RAB8A: variants seen among roughly 807,000 people sequenced by gnomAD.
The protein encoded by RAB8A is RAB8A, member RAS oncogene family.
A neutral mutation model predicts 29.2 loss-of-function variants in RAB8A; 5 were observed. That is an observed-to-expected ratio of 0.17 (90% CI 0.09 to 0.36). RAB8A has a LOEUF of 0.36. RAB8A is among the 10% of genes least tolerant of loss of function. The pLI is 1.00. For synonymous variants in RAB8A, 108 were observed against 99.9 expected, an observed-to-expected ratio of 1.08 and a Z score of -0.49; for missense variants, 171 against 272.2, an observed-to-expected ratio of 0.63 and a Z score of 2.62.
intron 1 of RAB8A, among the ~76,000 whole-genome samples, chr19:16,116,389 TA>T (rs908216422): frequency 4.0e-5 from 6 of 151,430 alleles, no homozygotes; most frequent in East Asian, 1.9e-4. Flanking sequence ...AAAGAGGCTT[TA>T]AAAAAAAATA....
At chr19:16,118,781 C>T (rs939780925) in intron 2 of RAB8A, among the ~76,000 whole-genome samples, 3 of 152,208 alleles carry the variant, frequency 2.0e-5, no homozygotes, top group African/African-American at 4.8e-5. Context: ...AACCCCAAAC[C>T]GAAATTAAGC....
chr19:16,118,394 G>C, intron 2 of RAB8A, 108 bp downstream of exon 2: 1 of 1,022,640 alleles, frequency 9.8e-7, no homozygotes, highest in Non-Finnish European at 1.5e-6. Flanking sequence ...TCCATTTCTT[G>C]GTGCCCAGTC....
chr19:16,112,614 G>C (rs986664517), intron 1 of RAB8A: 6 of 157,262 alleles, frequency 3.8e-5, no homozygotes, highest in African/African-American at 1.4e-4. Flanking sequence ...TTTGAACCTG[G>C]CTGTGTCTCA....
At chr19:16,119,501 G>A (rs568097318) in intron 2 of RAB8A, among the ~76,000 whole-genome samples, 2 of 152,222 alleles carry the variant, frequency 1.3e-5, no homozygotes, top group East Asian at 3.9e-4. Flanking sequence ...CACCACGCCC[G>A]GCCCTACTGT....
intron 1 of RAB8A, among the ~76,000 whole-genome samples, chr19:16,117,933 G>A (rs941378666): frequency 1.3e-5 from 2 of 152,122 alleles, no homozygotes; most frequent in Non-Finnish European, 2.9e-5. Context: ...GACCCACTCC[G>A]TACAACTGCC....
At chr19:16,120,002 G>C (rs1458453066) in intron 2 of RAB8A, among the ~76,000 whole-genome samples, 1 of 151,934 alleles carries the variant, frequency 6.6e-6, no homozygotes, top group South Asian at 2.1e-4. Flanking sequence ...TAGTAGAGAC[G>C]GGGTTTCGCC....
At position 16,125,758 on chromosome 19, in the gene RAB8A, G is replaced by A; in HGVS notation, c.324+211G>A. 1.5e-6 allele frequency: 1 copy of A among 677,728 alleles called. No homozygotes were observed. Among genetic ancestry groups the A allele is most frequent in the Non-Finnish European group, 2.7e-6 (1 of 368,222 alleles). 42.0% of individuals were successfully genotyped at this position (677,728 alleles called of 1,614,324 possible). On this transcript the variant is annotated intron_variant, in intron 4 of 7. Coordinates refer to ENST00000300935, the MANE Select transcript of RAB8A (RefSeq NM_005370.5). The surrounding 1 kb of genome is among the most constrained non-coding windows in gnomAD (Gnocchi z 5.0). Reference sequence around the variant, plus strand: ...CCTGGCCCCACCCCGGAGCCCCTCGGAGCCCATCCCTCCAGCTAGGCTGTT... The same window carrying A: ...CCTGGCCCCACCCCGGAGCCCCTCGAAGCCCATCCCTCCAGCTAGGCTGTT...
intron 7 of RAB8A, among the ~76,000 whole-genome samples, chr19:16,131,497 G>A (rs1045663065): frequency 2.0e-5 from 3 of 151,834 alleles, no homozygotes; most frequent in Non-Finnish European, 4.4e-5. Flanking sequence ...TGGTTGCTTG[G>A]AAGGGGATGG....
At chr19:16,129,263 C>A (rs1167659531) in intron 6 of RAB8A, among the ~76,000 whole-genome samples, 6 of 152,228 alleles carry the variant, frequency 3.9e-5, no homozygotes, top group Admixed American at 3.9e-4. Flanking sequence ...GTCGCCCCAT[C>A]TCACAGGGCT....
chr19:16,128,583 C>G (rs542757603), intron 6 of RAB8A, among the ~76,000 whole-genome samples: 1 of 152,138 alleles, frequency 6.6e-6, no homozygotes, highest in Non-Finnish European at 1.5e-5. Context: ...GTTTCCAAGG[C>G]GGATCTTCCA....
At chr19:16,118,308 C>T (rs1306629513) in intron 2 of RAB8A, 22 bp downstream of exon 2, 4 of 1,602,518 alleles carry the variant, frequency 2.5e-6, no homozygotes, top group Non-Finnish European at 3.4e-6. Flanking sequence ...TGTTCTCTGT[C>T]ATTCTCTCCA....
chr19:16,127,835 C>G lies in RAB8A; in HGVS notation c.415-191C>G. ...TCTCAGCTGCCATCCCCAGCAACTCCATGCCCTGTGAGGCCCTGTGGAGGG... is the reference window on the plus strand; with the variant it reads ...TCTCAGCTGCCATCCCCAGCAACTCGATGCCCTGTGAGGCCCTGTGGAGGG... On this transcript the variant is annotated intron_variant, in intron 5 of 7. Coordinates refer to ENST00000300935, the MANE Select transcript of RAB8A (RefSeq NM_005370.5). The surrounding 1 kb of genome is among the most constrained non-coding windows in gnomAD (Gnocchi z 4.8). 1.5e-6 allele frequency: 1 copy of G among 660,794 alleles called. No homozygotes were observed. Among genetic ancestry groups the G allele is most frequent in the Non-Finnish European group, 2.7e-6 (1 of 369,592 alleles). The allele number at this position is 660,794 out of a possible 1,614,324, so 40.9% of individuals were successfully genotyped here.
rs2090899069 is a variant in RAB8A at position 16,125,924 on chromosome 19, T to C, written c.324+377T>C. On this transcript the variant is annotated intron_variant, in intron 4 of 7. Transcript: ENST00000300935. This position sits in a 1 kb window ranked among gnomAD's most constrained non-coding sequence, Gnocchi z 5.0. ...GGAGGGTGTGGTGAGCAGGCGTCAG[T>C]TGTACTTTGAGCTATATCGGAGCAG... is the stretch of plus-strand genomic sequence containing the variant. 1 of 373,078 alleles carries C rather than the reference T, an allele frequency of 2.7e-6. No homozygotes were observed. Among genetic ancestry groups the C allele is most frequent in the South Asian group, 2.2e-5 (1 of 45,968 alleles). 23.1% of individuals were successfully genotyped at this position (373,078 alleles called of 1,614,324 possible).
chr19:16,124,835 G>A (rs2090891623), intron 3 of RAB8A: 2 of 156,982 alleles, frequency 1.3e-5, no homozygotes, highest in South Asian at 3.7e-4. Flanking sequence ...CCCAGGCTGA[G>A]GCGGGGCTGC....
chr19:16,117,930 T>A (rs1232225053), intron 1 of RAB8A, among the ~76,000 whole-genome samples: 3 of 151,974 alleles, frequency 2.0e-5, no homozygotes, highest in Non-Finnish European at 4.4e-5. Context: ...TGAGACCCAC[T>A]CCGTACAACT....
chr19:16,131,656 ATGGT>A (rs371407098), intron 7 of RAB8A, among the ~76,000 whole-genome samples: 5 of 144,900 alleles, frequency 3.5e-5, no homozygotes, highest in South Asian at 2.3e-4. Context: ...AAGGGGATGG[ATGGT>A]TGGTTGGTTG....
In RAB8A at chr19:16,113,602, G is replaced by C. The variant is rs959695184; in HGVS notation, c.124+1577G>C. Among the ~76,000 whole-genome samples the C allele has an allele frequency of 2.6e-5, 4 of 152,218 alleles. No individual in the cohort carries two copies. The South Asian group carries it at 8.3e-4, about 32-fold the overall frequency. ...TTTTTAGTAAATACAGGGTTTCACT[G>C]TGTTGGTCAGGCTGGTCTCGAACTC... On this transcript the variant is annotated intron_variant, in intron 1 of 7. Coordinates refer to ENST00000300935, the MANE Select transcript of RAB8A (RefSeq NM_005370.5).
At position 16,125,431 on chromosome 19, in the gene RAB8A, G is replaced by A. The variant is rs751714349; in HGVS notation, c.247-39G>A. On this transcript the variant is annotated intron_variant, in intron 3 of 7. Transcript: ENST00000300935. This position sits in a 1 kb window ranked among gnomAD's most constrained non-coding sequence, Gnocchi z 5.0. The stretch of plus-strand genomic sequence containing the variant: ...CGCTGAGGCCTCCCTTCCAGAGCCT[G>A]CAGCCGATCAGGCACCTGTGTCTTC... 1.9e-6 allele frequency: 3 copies of A among 1,579,658 alleles called. No homozygotes were observed. Among genetic ancestry groups the A allele is most frequent in the Non-Finnish European group, 2.6e-6 (3 of 1,150,352 alleles).
intron 2 of RAB8A, among the ~76,000 whole-genome samples, chr19:16,119,413 C>T (rs2090862785): frequency 6.6e-6 from 1 of 152,140 alleles, no homozygotes; most frequent in Non-Finnish European, 1.5e-5. Context: ...CCATGTTGGT[C>T]AGGCTGGTCT....
Sources: gnomAD v4.1 joint callset for allele counts (sites outside exome capture counted in the v4.1 genomes callset) on GRCh38, gnomAD v4.1.1 for gene constraint, Gnocchi (gnomAD v3.1) non-coding constraint, MANE v1.5 for transcripts, NCBI Gene and HGNC (gene_info 2026-07-23, HGNC 2026-07-21) for gene names.